The following ARHGAP23 variants were observed in gnomAD, a reference collection of about 807,000 sequenced individuals.
The protein encoded by ARHGAP23 is Rho GTPase activating protein 23, also known as rho GTPase-activating protein 23.
In ARHGAP23, 34 loss-of-function variants were observed where a neutral mutation model predicts 136.3. The ratio of observed to expected loss-of-function variants is 0.25; its 90% CI spans 0.19 to 0.33. The LOEUF (loss-of-function observed/expected upper bound fraction) is 0.33, where lower values mean the gene tolerates loss of function less well. Among genes scored for constraint, ARHGAP23 ranks in the 10% least tolerant of loss-of-function variants. ARHGAP23 has a pLI of 1.00. For missense variants in ARHGAP23, 1,808 were observed against 2,139.0 expected, an observed-to-expected ratio of 0.85 and a Z score of 3.05; for synonymous variants, 832 against 920.5, an observed-to-expected ratio of 0.90 and a Z score of 1.74.
intron 7 of ARHGAP23, among the ~76,000 whole-genome samples, chr17:38,468,276 G>C (rs2039660231): frequency 6.6e-6 from 1 of 152,222 alleles, no homozygotes; most frequent in African/African-American, 2.4e-5. Context: ...GGCTTGCCTT[G>C]CCTTCGACTG....
intron 1 of ARHGAP23, among the ~76,000 whole-genome samples, chr17:38,439,395 C>T (rs775524858): frequency 4.9e-4 from 74 of 152,272 alleles, no homozygotes; most frequent in South Asian, 1.7e-3. Flanking sequence ...CCTTGTGCCC[C>T]GTGAGGGTAG....
At chr17:38,474,702 CTG>C (rs1378318561) in intron 11 of ARHGAP23, among the ~76,000 whole-genome samples, 3 of 152,146 alleles carry the variant, frequency 2.0e-5, no homozygotes, top group Non-Finnish European at 4.4e-5. Flanking sequence ...ACCTGTGCCT[CTG>C]TGCAGGGGCT....
intron 1 of ARHGAP23, among the ~76,000 whole-genome samples, chr17:38,433,490 C>A (rs1019985344): frequency 6.6e-6 from 1 of 152,066 alleles, no homozygotes; most frequent in Non-Finnish European, 1.5e-5. Context: ...GTAATGAGGC[C>A]CCCATCACTG....
At chr17:38,471,553 C>T (rs956804805) in intron 10 of ARHGAP23, among the ~76,000 whole-genome samples, 3 of 152,242 alleles carry the variant, frequency 2.0e-5, no homozygotes, top group Non-Finnish European at 4.4e-5. Context: ...ATCACTTCCT[C>T]CATTTCCTTG....
In ARHGAP23 at chr17:38,463,193, A is replaced by G. The variant is rs1419386001; in HGVS notation, c.425A>G (p.Asn142Ser). The change falls in exon 5 of 24, where the codon AAT (asparagine) becomes AGT (serine). Residue 142 changes from asparagine to serine, a missense_variant. By Grantham distance (46) the Asn-to-Ser change is conservative. This residue lies in a region of ARHGAP23 where 859 missense variants were observed against 936.4 expected (regional missense o/e 0.92). Transcript: ENST00000622683. The stretch of plus-strand genomic sequence containing the variant: ...TCTCAGGTCATAGCTCTGATCCAGA[A>G]TAGGTGAGTGTCCCTGACCCCTCGT... The part of the protein sequence containing the change: ...TYSQVIALIQ[N>S]SDDTLELSIM... 20 of 1,551,526 alleles carry G rather than the reference A, an allele frequency of 1.3e-5. No individual in the cohort carries two copies. In the East Asian group the frequency reaches 4.4e-4, roughly 34 times the overall value.
chr17:38,443,649 G>A (rs2038966501), intron 1 of ARHGAP23, among the ~76,000 whole-genome samples: 1 of 151,740 alleles, frequency 6.6e-6, no homozygotes, highest in Non-Finnish European at 1.5e-5. Context: ...ATGTGTGAAG[G>A]GGAAGGCAGG....
chr17:38,447,169 T>C (rs1304469815), intron 1 of ARHGAP23, among the ~76,000 whole-genome samples: 2 of 152,032 alleles, frequency 1.3e-5, no homozygotes, highest in Non-Finnish European at 2.9e-5. Context: ...GAGCTGGGCA[T>C]GGTGGCTCAT....
intron 20 of ARHGAP23, among the ~76,000 whole-genome samples, chr17:38,497,581 C>A (rs1017456759): frequency 2.0e-5 from 3 of 152,222 alleles, no homozygotes; most frequent in Non-Finnish European, 4.4e-5. Flanking sequence ...CCTTTTCTCT[C>A]CCCCAGGGTT....
chr17:38,458,031 C>T, intron 1 of ARHGAP23, 71 bp from the exon 2 acceptor site: 2 of 1,513,370 alleles, frequency 1.3e-6, no homozygotes, highest in Admixed American at 2.0e-5. Context: ...CTGTGGGCTG[C>T]AGGAGGTGGT....
Position 38,510,076 on chromosome 17 carries a change from G to A in ARHGAP23, c.3580G>A (p.Glu1194Lys). 8.1e-7 allele frequency: 1 copy of A among 1,240,904 alleles called. No homozygotes were observed. The highest frequency in any genetic ancestry group is 1.0e-6 in the Non-Finnish European group (1 of 994,516). The allele number at this position is 1,240,904 out of a possible 1,614,324, so 76.9% of individuals were successfully genotyped here. The change falls in exon 24 of 24, where the codon GAG becomes AAG. Residue 1194 changes from glutamate to lysine, a missense_variant. Coordinates refer to ENST00000622683, the MANE Select transcript of ARHGAP23 (RefSeq NM_001199417.2). This position sits in a 1 kb window ranked among gnomAD's most constrained non-coding sequence, Gnocchi z 4.6. ...GLGSSTDDDS[E>K]QEAHKPGAGA... ...GGGCAGCAGCACCGACGACGACTCG[G>A]AGCAGGAGGCGCACAAGCCTGGGGC...
At position 38,460,908 on chromosome 17, in the gene ARHGAP23, GA is replaced by G; in HGVS notation, c.231del (p.Glu78ArgfsTer26). 6.5e-7 allele frequency: 1 copy of G among 1,536,070 alleles called. No individual in the cohort carries two copies. On this transcript the variant is annotated frameshift_variant, in exon 3 of 24. Transcript: ENST00000622683. LOFTEE classifies it high-confidence loss of function. ...CCCACTCCTCTGTTCCCTGCAGGAG[GA>G]AGAGAATGGAGGCCGTGGAGGAGGT... Reference protein sequence around the residue: ...ESAVHCSLKEEENGGRGGGPS... With the variant: ...ESAVHCSLKEXENGGRGGGPS...
At chr17:38,446,885 C>A (rs975000226) in intron 1 of ARHGAP23, among the ~76,000 whole-genome samples, 1 of 152,094 alleles carries the variant, frequency 6.6e-6, no homozygotes. Flanking sequence ...AGCATCATAG[C>A]TCACTGCAGC....
intron 12 of ARHGAP23, among the ~76,000 whole-genome samples, chr17:38,478,937 C>G (rs983852106): frequency 8.5e-5 from 13 of 152,178 alleles, no homozygotes; most frequent in African/African-American, 3.1e-4. Flanking sequence ...TGGCCTCTTG[C>G]TGAGGTCACA....
intron 1 of ARHGAP23, among the ~76,000 whole-genome samples, chr17:38,429,952 C>T (rs964744949): frequency 5.3e-5 from 8 of 152,142 alleles, no homozygotes; most frequent in Non-Finnish European, 8.8e-5. Flanking sequence ...ATTTGAATCT[C>T]GATTATATAA....
chr17:38,487,575 G>A (rs2040187018), intron 17 of ARHGAP23, among the ~76,000 whole-genome samples: 1 of 152,138 alleles, frequency 6.6e-6, no homozygotes, highest in Non-Finnish European at 1.5e-5. Context: ...AACTATTATT[G>A]TTACTTGAAG....
chr17:38,437,139 G>C (rs1328135897), intron 1 of ARHGAP23, among the ~76,000 whole-genome samples: 3 of 152,036 alleles, frequency 2.0e-5, no homozygotes, highest in Non-Finnish European at 4.4e-5. Context: ...GCTGGGCCAG[G>C]CATGGTGGCT....
intron 23 of ARHGAP23, among the ~76,000 whole-genome samples, chr17:38,508,941 C>T (rs2040693215): frequency 6.6e-6 from 1 of 150,532 alleles, no homozygotes; most frequent in Non-Finnish European, 1.5e-5. Flanking sequence ...AGCAGCGCTG[C>T]TTGGGAATGG....
chr17:38,438,606 G>A (rs2038855717), intron 1 of ARHGAP23, among the ~76,000 whole-genome samples: 1 of 152,128 alleles, frequency 6.6e-6, no homozygotes, highest in South Asian at 2.1e-4. Context: ...AGCCACACAA[G>A]GGTCTCGGGC....
chr17:38,466,951 G>A lies in ARHGAP23; in HGVS notation c.1268G>A (p.Ser423Asn). ...DLGYIGYRSYSPSFQRRTGLL... is the reference protein window; with the variant it reads ...DLGYIGYRSYNPSFQRRTGLL... ...GGGTACATCGGCTACCGGAGCTACA[G>A]CCCATCATTCCAGCGCCGGACCGGC... The change falls in exon 7 of 24, where the codon AGC becomes AAC. Residue 423 changes from serine to asparagine, a missense_variant. Ser to Asn is a conservative substitution (Grantham distance 46). Coordinates refer to ENST00000622683, the MANE Select transcript of ARHGAP23 (RefSeq NM_001199417.2). 1.3e-6 allele frequency: 2 copies of A among 1,550,534 alleles called. No homozygotes were observed. The highest frequency in any genetic ancestry group is 1.7e-6 in the Non-Finnish European group (2 of 1,146,952).
Sources: gnomAD v4.1 joint callset for allele counts (sites outside exome capture counted in the v4.1 genomes callset) on GRCh38, gnomAD v4.1.1 for gene constraint, gnomAD v4.1.1 regional missense constraint, Gnocchi (gnomAD v3.1) non-coding constraint, MANE v1.5 for transcripts, NCBI Gene and HGNC (gene_info 2026-07-23, HGNC 2026-07-21) for gene names.